The following CCDC15 variants were observed in gnomAD, a reference collection of about 807,000 sequenced individuals.
The protein encoded by CCDC15 is coiled-coil domain-containing protein 15.
CCDC15 carries 105 observed loss-of-function variants against 114.5 expected under a neutral mutation model. The observed-to-expected ratio is 0.92, with a 90% CI of 0.78 to 1.08. CCDC15 has a LOEUF of 1.08. CCDC15 is among the 50% of genes least tolerant of loss of function. The pLI is 0.00. For missense variants in CCDC15, 1,105 were observed against 1,093.6 expected (o/e 1.01, Z -0.15); for synonymous variants, 334 against 377.8 (o/e 0.88, Z 1.34).
At chr11:125,038,274 AG>A in intron 13 of CCDC15, 156 bp from the exon 14 acceptor site, 3 of 507,450 alleles carry the variant, frequency 5.9e-6, no homozygotes, top group Non-Finnish European at 1.0e-5. Context: ...GAGGAGATAA[AG>A]CAGCCAGCAG....
chr11:124,994,468 C>CA (rs1948328782), intron 11 of CCDC15, among the ~76,000 whole-genome samples: 1 of 152,082 alleles, frequency 6.6e-6, no homozygotes, highest in African/African-American at 2.4e-5. Context: ...TTTTGGGGAG[C>CA]ATTTATTGTC....
chr11:124,959,845 T>A lies in CCDC15; in HGVS notation c.358T>A (p.Ser120Thr). Reference protein sequence around the residue: ...AQKEGSIAMQSSATHLTSKRT... With the variant: ...AQKEGSIAMQTSATHLTSKRT... ...AAAAGAAGGCTCCATAGCCATGCAG[T>A]CTTCAGCAACACACTTAACTTCCAA... is the stretch of plus-strand genomic sequence containing the variant. The change falls in exon 4 of 16, where the codon TCT becomes ACT. Residue 120 changes from serine (S) to threonine (T), a missense_variant. Coordinates refer to ENST00000344762, the MANE Select transcript of CCDC15 (RefSeq NM_025004.3). 1 of 1,602,936 alleles carries A rather than the reference T, an allele frequency of 6.2e-7. No homozygotes were observed. Among genetic ancestry groups the A allele is most frequent in the Non-Finnish European group, 8.5e-7 (1 of 1,174,076 alleles).
chr11:125,015,537 A>G (rs1948623254), intron 13 of CCDC15, among the ~76,000 whole-genome samples: 1 of 152,328 alleles, frequency 6.6e-6, no homozygotes, highest in South Asian at 2.1e-4. Flanking sequence ...ACAAGAAGAA[A>G]TTGAATACTT....
At chr11:124,978,909 C>G (rs750389530) in intron 6 of CCDC15, among the ~76,000 whole-genome samples, 2 of 151,664 alleles carry the variant, frequency 1.3e-5, no homozygotes, top group Non-Finnish European at 2.9e-5. Context: ...ATGTTATCTT[C>G]TAGTGTTTTT....
rs897741320 is a variant in CCDC15, at chr11:124,986,799, A to G, written c.811A>G (p.Lys271Glu). Residue 271 changes from lysine (K) to glutamate (E), a missense_variant, in exon 7 of 16, where the codon AAA becomes GAA. Lys to Glu is a moderately conservative substitution (Grantham distance 56). Transcript: ENST00000344762. ...ATCTTCATCTCTTGTAACTGATGAG[A>G]AAGGGAAAGAAGATTTGTTTGGGAG... ...EESSSLVTDE[K>E]GKEDLFGRGQ... The G allele has an allele frequency of 6.4e-7, 1 of 1,553,016 alleles. No homozygotes were observed. Among genetic ancestry groups the G allele is most frequent in the East Asian group, 2.4e-5 (1 of 41,030 alleles).
At chr11:124,963,843 T>A (rs1016449243) in intron 4 of CCDC15, among the ~76,000 whole-genome samples, 1 of 152,220 alleles carries the variant, frequency 6.6e-6, no homozygotes, top group African/African-American at 2.4e-5. Context: ...AGGGATCCAG[T>A]TTCAGCTTTC....
intron 9 of CCDC15, among the ~76,000 whole-genome samples, chr11:124,991,861 T>C (rs1948275380): frequency 6.6e-6 from 1 of 152,288 alleles, no homozygotes; most frequent in South Asian, 2.1e-4. Context: ...TTTTTGTTTT[T>C]TTAGTAGAGA....
chr11:125,032,414 C>G (rs918015838), intron 13 of CCDC15, among the ~76,000 whole-genome samples: 1 of 152,188 alleles, frequency 6.6e-6, no homozygotes, highest in Non-Finnish European at 1.5e-5. Context: ...TGAAACCACA[C>G]CTGGTACAGC....
chr11:124,997,094 GA>G (rs1398323101), intron 11 of CCDC15, among the ~76,000 whole-genome samples: 2 of 152,096 alleles, frequency 1.3e-5, no homozygotes, highest in African/African-American at 4.8e-5. Context: ...TCCGTTATTT[GA>G]ATATATCACA....
chr11:124,992,878 G>T (rs1457565861), intron 10 of CCDC15, among the ~76,000 whole-genome samples, 191 bp downstream of exon 10: 2 of 152,164 alleles, frequency 1.3e-5, no homozygotes, highest in Non-Finnish European at 2.9e-5. Context: ...TCTGGAATTT[G>T]CTTTAAAATA....
chr11:124,960,562 C>G (rs1305771985), intron 4 of CCDC15, among the ~76,000 whole-genome samples: 2 of 151,978 alleles, frequency 1.3e-5, no homozygotes, highest in African/African-American at 4.8e-5. Context: ...TCTCATTTTT[C>G]TTATTTTTGT....
intron 11 of CCDC15, among the ~76,000 whole-genome samples, chr11:124,996,726 T>C (rs1948377898): frequency 6.6e-6 from 1 of 152,216 alleles, no homozygotes; most frequent in African/African-American, 2.4e-5. Flanking sequence ...CCCATGTCCC[T>C]GGCAACCACC....
chr11:124,973,084 T>G (rs1947911517), intron 4 of CCDC15, among the ~76,000 whole-genome samples: 1 of 152,182 alleles, frequency 6.6e-6, no homozygotes, highest in African/African-American at 2.4e-5. Flanking sequence ...CTTTCCAAGA[T>G]TGAGGCTTGG....
intron 10 of CCDC15, 53 bp downstream of exon 10, chr11:124,992,740 C>T (rs943895940): frequency 9.8e-7 from 1 of 1,017,852 alleles, no homozygotes; most frequent in African/African-American, 1.6e-5. Flanking sequence ...GGGAACAAGC[C>T]TAAATCATAT....
In CCDC15 at chr11:124,977,666, G is replaced by A. The variant is rs187032178; in HGVS notation, c.753+66G>A. On this transcript the variant is annotated intron_variant, in intron 6 of 15. Coordinates refer to ENST00000344762, the MANE Select transcript of CCDC15 (RefSeq NM_025004.3). ...ATTAGAAGTATCCACAGCTAACTAA[G>A]GATGGGATAAAGGGTTAAGATATCC... The A allele has an allele frequency of 4.3e-5, 64 of 1,500,222 alleles. No homozygotes were observed. In the African/African-American group the frequency reaches 7.9e-4, roughly 18 times the overall value. The allele number at this position is 1,500,222 out of a possible 1,614,324, so 92.9% of individuals were successfully genotyped here. A position where few individuals can be genotyped will look rare whatever the true frequency, so the allele number is the denominator to read the frequency against.
intron 9 of CCDC15, 39 bp downstream of exon 9, chr11:124,991,622 C>T (rs1440552703): frequency 3.3e-6 from 5 of 1,526,762 alleles, no homozygotes; most frequent in Middle Eastern, 1.7e-4. Context: ...GAAGGAAGTA[C>T]CCAGGTTTTA....
At chr11:124,966,862 G>T (rs541754338) in intron 4 of CCDC15, among the ~76,000 whole-genome samples, 20 of 152,296 alleles carry the variant, frequency 1.3e-4, no homozygotes, top group African/African-American at 4.3e-4. Flanking sequence ...CTCAGCATTT[G>T]CTTCTCTGTA....
At chr11:125,004,410 G>C (rs1385764390) in intron 12 of CCDC15, among the ~76,000 whole-genome samples, 2 of 151,812 alleles carry the variant, frequency 1.3e-5, no homozygotes, top group Non-Finnish European at 2.9e-5. Context: ...GAGGTTTAGG[G>C]CATTTTTGTT....
At chr11:125,038,388 T>C (rs1948790180) in intron 13 of CCDC15, 43 bp from the exon 14 acceptor site, 2 of 1,236,372 alleles carry the variant, frequency 1.6e-6, no homozygotes, top group African/African-American at 1.6e-5. Context: ...TTTTAAATAA[T>C]AATTTTATGA....
Sources: allele counts gnomAD v4.1 joint callset (sites outside exome capture counted in the v4.1 genomes callset), GRCh38; gene constraint gnomAD v4.1.1; transcripts MANE v1.5; gene names NCBI Gene and HGNC (gene_info 2026-07-23, HGNC 2026-07-21).